The following EXOG variants were observed in gnomAD, a reference collection of about 807,000 sequenced individuals.
EXOG encodes nuclease EXOG, mitochondrial.
Under a neutral mutation model 25.8 loss-of-function variants are expected in EXOG, and 27 were observed. The ratio of observed to expected loss-of-function variants is 1.05; its 90% CI spans 0.77 to 1.45. The LOEUF is 1.45. Ranked by LOEUF, EXOG falls within the 40% of genes most tolerant of loss-of-function variation. The pLI, the probability that EXOG is intolerant of heterozygous loss-of-function variation, is 0.00. For synonymous variants in EXOG, 133 were observed against 167.0 expected (o/e 0.80, Z 1.57); for missense variants, 458 against 450.5 (o/e 1.02, Z -0.15).
intron 5 of EXOG, 38 bp from the exon 6 acceptor site, chr3:38,523,863 A>T: frequency 6.8e-7 from 1 of 1,477,040 alleles, no homozygotes; most frequent in Non-Finnish European, 9.1e-7. Flanking sequence ...AACTGTTAGC[A>T]CAAATTGGCA....
intron 5 of EXOG, chr3:38,523,409 G>A (rs2060782308): frequency 1.3e-6 from 1 of 782,418 alleles, no homozygotes; most frequent in Non-Finnish European, 1.6e-6. Flanking sequence ...TGTCGGCCAG[G>A]CTGGAGTGCA....
chr3:38,511,563 C>T (rs965742464), intron 5 of EXOG, among the ~76,000 whole-genome samples: 4 of 152,186 alleles, frequency 2.6e-5, no homozygotes, highest in Non-Finnish European at 5.9e-5. Context: ...CTTATCAAAG[C>T]ATGGGACAGG....
intron 2 of EXOG, chr3:38,499,074 A>T: frequency 2.4e-6 from 1 of 420,584 alleles, no homozygotes; most frequent in East Asian, 7.2e-5. Context: ...GCTGTGAATT[A>T]GTCTTTTTTG....
chr3:38,511,196 A>G (rs1027699790), intron 5 of EXOG, among the ~76,000 whole-genome samples: 1 of 152,182 alleles, frequency 6.6e-6, no homozygotes, highest in Non-Finnish European at 1.5e-5. Flanking sequence ...ATTACTTTGA[A>G]CCAACAACTT....
At chr3:38,497,311 A>G (rs1389017221) in intron 1 of EXOG, 14 of 1,079,990 alleles carry the variant, frequency 1.3e-5, no homozygotes, top group South Asian at 6.4e-5. Context: ...AACAGCACAC[A>G]TATCAGTGCT....
chr3:38,496,429 TGGCTGG>T lies in EXOG; in HGVS notation c.68_73del (p.Gly23_Ala24del). On this transcript the variant is annotated inframe_deletion, in exon 1 of 6. Transcript: ENST00000287675. ...TCCCGTCGTTTTCTGAGCGGCTTCG[TGGCTGG>T]GGCTGTAGTGGGCGCTGCGGGAGCT... 1 of 1,614,062 alleles carries T rather than the reference TGGCTGG, an allele frequency of 6.2e-7. No individual in the cohort carries two copies. The highest frequency in any genetic ancestry group is 8.5e-7 in the Non-Finnish European group (1 of 1,179,960).
At position 38,524,454 on chromosome 3, in the gene EXOG, T is replaced by C. The variant is rs1575684386; in HGVS notation, c.*92T>C. 6.8e-7 allele frequency: 1 copy of C among 1,465,888 alleles called. No homozygotes were observed. The highest frequency in any genetic ancestry group is 2.5e-5 in the East Asian group (1 of 40,762). 90.8% of individuals were successfully genotyped at this position (1,465,888 alleles called of 1,614,324 possible). On this transcript the variant is annotated 3_prime_UTR_variant, in exon 6 of 6. Coordinates refer to ENST00000287675, the MANE Select transcript of EXOG (RefSeq NM_005107.4). Reference sequence around the variant, plus strand: ...TTTAGTGGCTTTGCTTTTTGCTTTTTAAAAAGTTTTTCTCTTTAAGAGATG... The same window carrying C: ...TTTAGTGGCTTTGCTTTTTGCTTTTCAAAAAGTTTTTCTCTTTAAGAGATG...
intron 5 of EXOG, among the ~76,000 whole-genome samples, chr3:38,507,312 A>G (rs1428296741): frequency 3.3e-5 from 5 of 152,234 alleles, no homozygotes; most frequent in Admixed American, 6.5e-5. Flanking sequence ...TGAGTCAGGA[A>G]CGCTTAAAAG....
chr3:38,505,316 A>T (rs1290449036), intron 4 of EXOG, among the ~76,000 whole-genome samples: 1 of 150,588 alleles, frequency 6.6e-6, no homozygotes, highest in East Asian at 2.0e-4. Context: ...AAGATCTAGG[A>T]TGTTTGTCCT....
intron 5 of EXOG, among the ~76,000 whole-genome samples, chr3:38,516,833 T>G (rs2060560164): frequency 6.6e-6 from 1 of 152,210 alleles, no homozygotes; most frequent in African/African-American, 2.4e-5. Context: ...TACGGGCCAG[T>G]TGTTTTACAG....
chr3:38,496,590 T>G (rs1415148019), intron 1 of EXOG, 60 bp downstream of exon 1: 30 of 1,567,410 alleles, frequency 1.9e-5, no homozygotes, highest in Non-Finnish European at 2.6e-6. Context: ...GACTCCTACC[T>G]GGAGTGTGAA....
intron 3 of EXOG, among the ~76,000 whole-genome samples, chr3:38,503,182 CAT>C (rs1447369587): frequency 1.3e-5 from 2 of 152,210 alleles, no homozygotes; most frequent in African/African-American, 2.4e-5. Flanking sequence ...TGAATGAACA[CAT>C]AGTGGCCAGA....
At position 38,524,116 on chromosome 3, in the gene EXOG, T is replaced by C; in HGVS notation, c.861T>C (p.Thr287=). 1.2e-6 allele frequency: 2 copies of C among 1,614,040 alleles called. No homozygotes were observed. The highest frequency in any genetic ancestry group is 2.7e-5 in the African/African-American group (2 of 75,032). The change falls in exon 6 of 6, where the codon ACT becomes ACC. Residue 287 remains threonine, a synonymous_variant. Transcript: ENST00000287675. ...TGTTTTTTCCTCATTTGGATAGAAC[T>C]AGTGATATCCGGAATATCTGCTCTG... is the stretch of plus-strand genomic sequence containing the variant. ...GLVFFPHLDR[T]SDIRNICSVD...
chr3:38,508,412 T>C (rs1254232823), intron 5 of EXOG, among the ~76,000 whole-genome samples: 1 of 152,168 alleles, frequency 6.6e-6, no homozygotes. Flanking sequence ...TTAGAAAAAG[T>C]TTAACATTTA....
In EXOG at chr3:38,501,633, T is replaced by C; in HGVS notation, c.453+139T>C. The C allele has an allele frequency of 5.8e-6, 4 of 692,898 alleles. 1 individual carries two copies. In the Middle Eastern group the frequency reaches 1.2e-3, roughly 200 times the overall value. 42.9% of individuals were successfully genotyped at this position (692,898 alleles called of 1,614,324 possible). ...TCTTATTTTTCTTCCTGACAATATG[T>C]CTCTTCTTTCAATCACATACCGAGA... On this transcript the variant is annotated intron_variant, in intron 3 of 5. Transcript: ENST00000287675.
intron 5 of EXOG, among the ~76,000 whole-genome samples, chr3:38,520,434 A>G (rs2060680145): frequency 6.6e-6 from 1 of 152,200 alleles, no homozygotes; most frequent in Non-Finnish European, 1.5e-5. Flanking sequence ...TTTTATACCT[A>G]AATCTTACAT....
intron 5 of EXOG, among the ~76,000 whole-genome samples, chr3:38,519,756 C>A (rs1210269899): frequency 1.3e-5 from 2 of 152,162 alleles, no homozygotes; most frequent in African/African-American, 4.8e-5. Flanking sequence ...AACAGGTACC[C>A]CAGTGTGAGA....
chr3:38,525,381 G>T lies in EXOG; in HGVS notation c.*1019G>T. The T allele has an allele frequency of 4.1e-6, 4 of 985,320 alleles. No homozygotes were observed. Among genetic ancestry groups the T allele is most frequent in the Non-Finnish European group, 4.8e-6 (4 of 829,886 alleles). The allele number at this position is 985,320 out of a possible 1,614,324, so 61.0% of individuals were successfully genotyped here. On this transcript the variant is annotated 3_prime_UTR_variant, in exon 6 of 6. Transcript: ENST00000287675. ...ATACCTATTTCCATGGGTATTTGTG[G>T]GCCTGAGGCATGCTTGGCAAGAAGA... is the stretch of plus-strand genomic sequence containing the variant.
At chr3:38,501,575 G>A (rs2060045084) in intron 3 of EXOG, 81 bp downstream of exon 3, 3 of 1,253,620 alleles carry the variant, frequency 2.4e-6, no homozygotes, top group South Asian at 2.7e-5. Flanking sequence ...AAAAACCTAG[G>A]AGCCAAACCT....
Sources: allele counts gnomAD v4.1 joint callset (sites outside exome capture counted in the v4.1 genomes callset), GRCh38; gene constraint gnomAD v4.1.1; transcripts MANE v1.5; gene names NCBI Gene and HGNC (gene_info 2026-07-23, HGNC 2026-07-21).